RBFOX1: variants seen among roughly 807,000 people sequenced by gnomAD.
RBFOX1 encodes RNA binding protein fox-1 homolog 1.
A neutral mutation model predicts 57.7 loss-of-function variants in RBFOX1; 8 were observed. That is an observed-to-expected ratio of 0.14 (90% CI 0.08 to 0.25). The LOEUF is 0.25. RBFOX1 is among the 10% of genes least tolerant of loss of function. RBFOX1 has a pLI of 1.00. For synonymous variants in RBFOX1, 326 were observed against 222.4 expected, an observed-to-expected ratio of 1.47 and a Z score of -4.15; for missense variants, 611 against 548.5, an observed-to-expected ratio of 1.11 and a Z score of -1.14.
At chr16:5,312,397 C>T (rs536182356) in intron 1 of RBFOX1, among the ~76,000 whole-genome samples, 1 of 152,316 alleles carries the variant, frequency 6.6e-6, no homozygotes, top group African/African-American at 2.4e-5. Flanking sequence ...TGGCTCACTG[C>T]CACCTCTGCT....
intron 3 of RBFOX1, among the ~76,000 whole-genome samples, chr16:5,750,396 T>G (rs553724566): frequency 6.6e-6 from 1 of 152,334 alleles, no homozygotes; most frequent in South Asian, 2.1e-4. Flanking sequence ...TTCAAAGCTG[T>G]CAGACAGGGA....
At chr16:5,577,085 C>T (rs181013369) in intron 2 of RBFOX1, among the ~76,000 whole-genome samples, 1 of 152,364 alleles carries the variant, frequency 6.6e-6, no homozygotes, top group African/African-American at 2.4e-5. Flanking sequence ...AGGATACTGT[C>T]AGGACATTTT....
intron 4 of RBFOX1, among the ~76,000 whole-genome samples, chr16:7,483,048 G>A (rs2064416298): frequency 1.3e-5 from 2 of 152,156 alleles, no homozygotes; most frequent in East Asian, 3.9e-4. Context: ...CACCGTGGGA[G>A]GAGAGGGAAG....
intron 2 of RBFOX1, among the ~76,000 whole-genome samples, chr16:5,563,400 G>A (rs1347880608): frequency 1.3e-5 from 2 of 152,166 alleles, no homozygotes; most frequent in Non-Finnish European, 2.9e-5. Context: ...TGATGGTATC[G>A]TTATCTACTG....
chr16:7,004,686 A>G (rs996373044), intron 3 of RBFOX1, among the ~76,000 whole-genome samples: 10 of 152,256 alleles, frequency 6.6e-5, no homozygotes, highest in Non-Finnish European at 1.2e-4. Flanking sequence ...AAAATATACA[A>G]AAGCCACATC....
intron 2 of RBFOX1, among the ~76,000 whole-genome samples, chr16:6,555,861 G>A (rs1408971955): frequency 6.6e-6 from 1 of 152,226 alleles, no homozygotes; most frequent in African/African-American, 2.4e-5. Context: ...GACTAGCACA[G>A]TGTCTGGTTA....
chr16:7,171,652 C>T (rs2080724491), intron 4 of RBFOX1, among the ~76,000 whole-genome samples: 1 of 152,162 alleles, frequency 6.6e-6, no homozygotes, highest in Admixed American at 6.5e-5. Context: ...ATTTACTTCA[C>T]CATGCCAGAA....
intron 14 of RBFOX1, among the ~76,000 whole-genome samples, chr16:7,682,055 A>C (rs2074899678): frequency 1.3e-5 from 2 of 152,168 alleles, no homozygotes; most frequent in Non-Finnish European, 1.5e-5. Context: ...CCAACCATGT[A>C]ATATGGTTGT....
chr16:5,717,652 T>C (rs2151524028), intron 3 of RBFOX1, among the ~76,000 whole-genome samples: 1 of 152,314 alleles, frequency 6.6e-6, no homozygotes, highest in Admixed American at 6.5e-5. Context: ...TAGAATAATG[T>C]CCTCCAGCTC....
intron 4 of RBFOX1, among the ~76,000 whole-genome samples, chr16:7,240,625 G>C (rs111234624): frequency 7.2e-5 from 11 of 152,268 alleles, no homozygotes; most frequent in African/African-American, 2.6e-4. Context: ...TATGATCACA[G>C]CTCACTGCAG....
intron 3 of RBFOX1, among the ~76,000 whole-genome samples, chr16:5,796,841 C>A (rs547169037): frequency 7.9e-5 from 12 of 152,266 alleles, no homozygotes; most frequent in Admixed American, 6.5e-4. Context: ...TCCAGGTTAA[C>A]CTCTATATGG....
At chr16:6,933,309 C>T (rs547571979) in intron 3 of RBFOX1, among the ~76,000 whole-genome samples, 134 of 152,214 alleles carry the variant, frequency 8.8e-4, no homozygotes, top group African/African-American at 2.9e-3. Context: ...TTTTAGTAAC[C>T]GACATACTCT....
At chr16:5,552,901 A>G (rs1216309813) in intron 2 of RBFOX1, among the ~76,000 whole-genome samples, 1 of 152,170 alleles carries the variant, frequency 6.6e-6, no homozygotes, top group African/African-American at 2.4e-5. Context: ...CAGGTCCTCA[A>G]CAGCTTGGGG....
chr16:6,624,217 C>T (rs184414023), intron 2 of RBFOX1, among the ~76,000 whole-genome samples: 72 of 152,182 alleles, frequency 4.7e-4, no homozygotes, highest in Admixed American at 8.5e-4. Flanking sequence ...ACTGCCTTTC[C>T]TAAGGAGTAA....
At chr16:5,495,538 A>C (rs2151682323) in intron 2 of RBFOX1, among the ~76,000 whole-genome samples, 1 of 152,338 alleles carries the variant, frequency 6.6e-6, no homozygotes, top group South Asian at 2.1e-4. Context: ...TCAACTAGCA[A>C]ACAGGAAACT....
intron 4 of RBFOX1, among the ~76,000 whole-genome samples, chr16:6,005,998 A>G (rs377620386): frequency 1.3e-5 from 2 of 152,222 alleles, no homozygotes; most frequent in Admixed American, 1.3e-4. Flanking sequence ...GCTTGGGCCA[A>G]TTCATGGAGA....
chr16:5,671,429 G>C (rs945675811), intron 3 of RBFOX1, among the ~76,000 whole-genome samples: 2 of 152,324 alleles, frequency 1.3e-5, no homozygotes, highest in Non-Finnish European at 1.5e-5. Flanking sequence ...TTGTGCTGGA[G>C]ATTAACACTG....
At chr16:7,424,623 GC>G (rs1189269826) in intron 4 of RBFOX1, among the ~76,000 whole-genome samples, 2 of 152,138 alleles carry the variant, frequency 1.3e-5, no homozygotes, top group Non-Finnish European at 2.9e-5. Flanking sequence ...TTACATCATA[GC>G]TGTTCACAAG....
chr16:5,454,784 T>A (rs1597130994), intron 1 of RBFOX1, among the ~76,000 whole-genome samples: 1 of 151,392 alleles, frequency 6.6e-6, no homozygotes, highest in East Asian at 1.9e-4. Flanking sequence ...TTTCTTTCTT[T>A]CTTTCTCTTT....
Sources: gnomAD v4.1 joint callset for allele counts (sites outside exome capture counted in the v4.1 genomes callset) on GRCh38, gnomAD v4.1.1 for gene constraint, MANE v1.5 for transcripts, NCBI Gene and HGNC (gene_info 2026-07-23, HGNC 2026-07-21) for gene names.